The following SETDB1 variants were observed in gnomAD, a reference collection of about 807,000 sequenced individuals.
The protein encoded by SETDB1 is histone-lysine N-methyltransferase SETDB1.
Under a neutral mutation model 137.4 loss-of-function variants are expected in SETDB1, and 31 were observed. That is an observed-to-expected ratio of 0.23 (90% CI 0.17 to 0.30). The LOEUF is 0.30. Among genes scored for constraint, SETDB1 ranks in the 10% least tolerant of loss-of-function variants. The pLI is 1.00. For synonymous variants in SETDB1, 548 were observed against 579.9 expected, an observed-to-expected ratio of 0.95 and a Z score of 0.79; for missense variants, 1,113 against 1,631.5, an observed-to-expected ratio of 0.68 and a Z score of 5.47.
intron 9 of SETDB1, 55 bp from the exon 10 acceptor site, chr1:150,946,831 G>C: frequency 6.2e-7 from 1 of 1,606,742 alleles, no homozygotes; most frequent in Middle Eastern, 1.7e-4. Context: ...CACAGGACAG[G>C]ATAGATTCTA....
In SETDB1 at chr1:150,952,725, CA is replaced by C. The variant is rs879295337; in HGVS notation, c.2333+1256del. 3.8e-3 allele frequency among the ~76,000 whole-genome samples: 539 copies of C among 140,620 alleles called. 1 individual carries two copies. Among genetic ancestry groups the C allele is most frequent in the Non-Finnish European group, 5.0e-3 (321 of 64,028 alleles). The allele number at this position is 140,620 out of a possible 152,430, so 92.3% of individuals were successfully genotyped here. ...AGAAATCCCGTCTCTACTAAAAATA[CA>C]AAAAAAAAAAATTAGCCGGGCATGG... On this transcript the variant is annotated intron_variant, in intron 14 of 21. Coordinates refer to ENST00000692827, the MANE Select transcript of SETDB1 (RefSeq NM_001366418.1).
intron 14 of SETDB1, among the ~76,000 whole-genome samples, chr1:150,953,858 AAT>A (rs1670566071): frequency 2.0e-5 from 3 of 150,338 alleles, no homozygotes; most frequent in Non-Finnish European, 1.5e-5. Flanking sequence ...TTAAAAAAAA[AAT>A]TTTTTTTTTT....
intron 14 of SETDB1, among the ~76,000 whole-genome samples, chr1:150,956,142 CTTTGGGA>C (rs1334401174): frequency 6.7e-6 from 1 of 149,368 alleles, no homozygotes; most frequent in Non-Finnish European, 1.5e-5. Flanking sequence ...AATCCCAGCA[CTTTGGGA>C]GGCCGAGACA....
intron 16 of SETDB1, chr1:150,961,909 T>C (rs1450081585): frequency 3.2e-6 from 2 of 629,688 alleles, no homozygotes; most frequent in Non-Finnish European, 5.8e-6. Context: ...CTCGTGGTGT[T>C]TTCCATGAGC....
At chr1:150,957,074 G>C (rs1472452175) in intron 14 of SETDB1, among the ~76,000 whole-genome samples, 11 of 151,698 alleles carry the variant, frequency 7.3e-5, no homozygotes, top group African/African-American at 2.4e-4. Flanking sequence ...CTGTGTTTGT[G>C]CCGCTGCACT....
At chr1:150,962,781 A>G (rs1476914563) in intron 18 of SETDB1, 62 bp downstream of exon 18, 2 of 1,566,162 alleles carry the variant, frequency 1.3e-6, no homozygotes, top group African/African-American at 2.7e-5. Flanking sequence ...TCACCTCATC[A>G]AGTCCTTCAC....
chr1:150,951,547 C>A, intron 14 of SETDB1, 66 bp downstream of exon 14: 2 of 840,178 alleles, frequency 2.4e-6, no homozygotes, highest in Non-Finnish European at 3.9e-6. Flanking sequence ...TTTTTCTGTG[C>A]TTATAGAAAT....
intron 10 of SETDB1, among the ~76,000 whole-genome samples, chr1:150,948,660 C>T (rs1670403726): frequency 2.0e-5 from 3 of 151,924 alleles, no homozygotes; most frequent in South Asian, 2.1e-4. Context: ...ACAATGTATG[C>T]CAGCGTCCAT....
intron 3 of SETDB1, among the ~76,000 whole-genome samples, chr1:150,931,625 AAAAT>A (rs1350751720): frequency 3.1e-5 from 4 of 129,148 alleles, no homozygotes; most frequent in Non-Finnish European, 4.8e-5. Context: ...AAAAAATTAA[AAAAT>A]AAAAAATAAA....
intron 2 of SETDB1, chr1:150,928,214 C>A: frequency 2.0e-6 from 1 of 499,002 alleles, no homozygotes; most frequent in South Asian, 2.4e-5. Flanking sequence ...TCCGCCACCA[C>A]ACCCAGCTAA....
chr1:150,929,877 TA>T, intron 2 of SETDB1, 89 bp from the exon 3 acceptor site: 1 of 1,067,610 alleles, frequency 9.4e-7, no homozygotes, highest in East Asian at 2.4e-5. Flanking sequence ...GAGGACTGTC[TA>T]TACTTAAATA....
At chr1:150,933,045 TTGAATGAATGAA>T (rs57070760) in intron 3 of SETDB1, among the ~76,000 whole-genome samples, 7 of 151,184 alleles carry the variant, frequency 4.6e-5, no homozygotes, top group Admixed American at 2.0e-4. Context: ...TTTAGTCTTT[TTGAATGAATGAA>T]TGAATGAATG....
chr1:150,946,178 C>T (rs1670321808), intron 9 of SETDB1, among the ~76,000 whole-genome samples: 1 of 151,990 alleles, frequency 6.6e-6, no homozygotes, highest in South Asian at 2.1e-4. Flanking sequence ...TGCCACCACA[C>T]CTGGCTGATT....
chr1:150,959,289 C>T lies in SETDB1; in HGVS notation c.2445C>T (p.Gly815=), dbSNP rs587630657. ...AGCTATTCAAGACACAGAACAAGGG[C>T]TGGGGTATCCGCTGCTTGGATGACA... is the stretch of plus-strand genomic sequence containing the variant. ...RLQLFKTQNK[G]WGIRCLDDIA... Residue 815 remains glycine (G), a synonymous_variant, in exon 15 of 22, where the codon GGC becomes GGT. Coordinates refer to ENST00000692827, the MANE Select transcript of SETDB1 (RefSeq NM_001366418.1). 1 of 1,609,316 alleles carries T rather than the reference C, an allele frequency of 6.2e-7. No individual in the cohort carries two copies. Among genetic ancestry groups the T allele is most frequent in the African/African-American group, 1.3e-5 (1 of 74,758 alleles).
At chr1:150,960,192 G>A (rs1670778612) in intron 15 of SETDB1, among the ~76,000 whole-genome samples, 1 of 151,678 alleles carries the variant, frequency 6.6e-6, no homozygotes, top group African/African-American at 2.4e-5. Flanking sequence ...AGGTCCCCGT[G>A]GCCGGGTGCG....
At position 150,950,703 on chromosome 1, in the gene SETDB1, G is replaced by A. The variant is rs1379673850; in HGVS notation, c.1829G>A (p.Arg610Gln). The change falls in exon 13 of 22, where the codon CGG becomes CAG. Residue 610 changes from arginine (R) to glutamine (Q), a missense_variant. Around this residue, in one of 11 missense-constraint regions of SETDB1, gnomAD observed 55 missense variants for 118.5 expected, o/e 0.46. Coordinates refer to ENST00000692827, the MANE Select transcript of SETDB1 (RefSeq NM_001366418.1). ...PLLVPLLYDF[R>Q]RMTARRRVNR... ...CTGGTCCCGTTACTATATGACTTCC[G>A]GCGGATGACAGCCCGGCGTCGAGTT... The A allele has an allele frequency of 1.3e-5, 21 of 1,614,190 alleles. No homozygotes were observed. The highest frequency in any genetic ancestry group is 1.8e-5 in the Non-Finnish European group (21 of 1,180,036).
At position 150,930,058 on chromosome 1, in the gene SETDB1, C is replaced by T. The variant is rs778212727; in HGVS notation, c.352C>T (p.Arg118Trp). The change falls in exon 3 of 22, where the codon CGG becomes TGG. Residue 118 changes from arginine to tryptophan, a missense_variant. Around this residue, in one of 11 missense-constraint regions of SETDB1, gnomAD observed 159 missense variants for 188.6 expected, o/e 0.84. Coordinates refer to ENST00000692827, the MANE Select transcript of SETDB1 (RefSeq NM_001366418.1). ...RDSSSEDESS[R>W]PTEIIEIPDE... ...CAGTAGCTCTGAGGACGAATCTTCC[C>T]GGCCTACAGAAATAATTGAGATTCC... 1.4e-5 allele frequency: 22 copies of T among 1,613,742 alleles called. No individual in the cohort carries two copies. Among genetic ancestry groups the T allele is most frequent in the East Asian group, 6.7e-5 (3 of 44,898 alleles).
At position 150,958,536 on chromosome 1, in the gene SETDB1, C is replaced by T. The variant is rs192681298; in HGVS notation, c.2334-642C>T. On this transcript the variant is annotated intron_variant, in intron 14 of 21. Transcript: ENST00000692827. ...AAGTGCTGGGATTATAGGCATGAGC[C>T]ACCACGCCCAGCACGATCTTTTTCA... Among the ~76,000 whole-genome samples the T allele has an allele frequency of 5.9e-5, 9 of 151,398 alleles. No individual in the cohort carries two copies. The East Asian group carries it at 1.7e-3, about 29-fold the overall frequency.
chr1:150,964,258 C>G lies in SETDB1; in HGVS notation c.3773C>G (p.Ala1258Gly), dbSNP rs1407415343. ...VAFFASKRIR[A>G]GTELTWDYNY... Reference sequence around the variant, plus strand: ...TTCTTCCTCTTCAGAAGAATCCGGGCTGGGACAGAACTTACTTGGGACTAC... The same window carrying G: ...TTCTTCCTCTTCAGAAGAATCCGGGGTGGGACAGAACTTACTTGGGACTAC... Residue 1258 changes from alanine (A) to glycine (G), a missense_variant, in exon 22 of 22, where the codon GCT (alanine) becomes GGT (glycine). Around this residue, in one of 11 missense-constraint regions of SETDB1, gnomAD observed 37 missense variants for 123.2 expected, o/e 0.30. Transcript: ENST00000692827. The G allele has an allele frequency of 1.2e-6, 2 of 1,613,810 alleles. No individual in the cohort carries two copies. Among genetic ancestry groups the G allele is most frequent in the Non-Finnish European group, 1.7e-6 (2 of 1,179,830 alleles).
Sources: allele counts gnomAD v4.1 joint callset (sites outside exome capture counted in the v4.1 genomes callset), GRCh38; gene constraint gnomAD v4.1.1; regional missense constraint gnomAD v4.1.1; transcripts MANE v1.5; gene names NCBI Gene and HGNC (gene_info 2026-07-23, HGNC 2026-07-21).